Variants in TMEM132D observed in about 807,000 individuals in gnomAD.
The protein encoded by TMEM132D is transmembrane protein 132D, also known as mature OL transmembrane protein.
TMEM132D carries 21 observed loss-of-function variants against 62.3 expected under a neutral mutation model. That is an observed-to-expected ratio of 0.34 (90% CI 0.24 to 0.49). The LOEUF is 0.49. Among genes scored for constraint, TMEM132D ranks in the 20% least tolerant of loss-of-function variants. The pLI is 0.99. For missense variants in TMEM132D, 1,346 were observed against 1,402.8 expected, an observed-to-expected ratio of 0.96 and a Z score of 0.65; for synonymous variants, 621 against 575.6, an observed-to-expected ratio of 1.08 and a Z score of -1.13.
intron 2 of TMEM132D, among the ~76,000 whole-genome samples, chr12:129,579,002 A>G (rs1877766081): frequency 6.6e-6 from 1 of 152,200 alleles, no homozygotes; most frequent in Non-Finnish European, 1.5e-5. Context: ...ATCAAAAATT[A>G]ACCATCACAG....
rs113750793 is a variant in TMEM132D at position 129,112,443 on chromosome 12, T to C, written c.1444-27741A>G. The stretch of plus-strand genomic sequence containing the variant: ...TTGGGAGGCCAAGGCGGACGGATCA[T>C]CTGAGGTCGGGAGTTCGAGACCATC... On this transcript the variant is annotated intron_variant, in intron 5 of 8. Transcript: ENST00000422113. Among the ~76,000 whole-genome samples, 1,385 of 152,252 alleles carry C rather than the reference T, an allele frequency of 9.1e-3. 30 individuals are homozygous for C. The highest frequency in any genetic ancestry group is 0.032 in the African/African-American group (1,321 of 41,542).
chr12:129,624,023 T>C (rs79922521), intron 2 of TMEM132D, among the ~76,000 whole-genome samples: 2,160 of 152,274 alleles, frequency 0.014, 43 homozygotes, highest in African/African-American at 0.048. Context: ...GTCATGCCTA[T>C]AGGCCATTCC....
chr12:129,649,246 G>A (rs917409658), intron 2 of TMEM132D, among the ~76,000 whole-genome samples: 1 of 152,244 alleles, frequency 6.6e-6, no homozygotes, highest in East Asian at 1.9e-4. Flanking sequence ...CAACAGAGAC[G>A]AACAAGGTGT....
chr12:129,473,333 T>G (rs9668665), intron 3 of TMEM132D, among the ~76,000 whole-genome samples: 1 of 135,502 alleles, frequency 7.4e-6, no homozygotes, highest in East Asian at 2.1e-4. Context: ...TGTTTTTTTT[T>G]TTTTTTTTTT....
chr12:129,093,077 A>G (rs1291556012), intron 5 of TMEM132D, among the ~76,000 whole-genome samples: 1 of 152,244 alleles, frequency 6.6e-6, no homozygotes, highest in Admixed American at 6.5e-5. Context: ...TTCCAAATGG[A>G]TGCCATGCAG....
At position 129,074,312 on chromosome 12, in the gene TMEM132D, G is replaced by C. The variant is rs889851949; in HGVS notation, c.2863C>G (p.Gln955Glu). Residue 955 changes from glutamine (Q) to glutamate (E), a missense_variant, in exon 9 of 9, where the codon CAG becomes GAG. Physicochemically the swap from Gln to Glu is conservative, Grantham distance 29. Coordinates refer to ENST00000422113, the MANE Select transcript of TMEM132D (RefSeq NM_133448.3). ...TCATGAGAGTGACTCATCCCTTCCT[G>C]CTCCTCGAAGGGAACCTGTTTGTGT... ...YRHKQVPFEE[Q>E]EGMSHSHDWV... The C allele has an allele frequency of 1.2e-6, 2 of 1,614,060 alleles. No homozygotes were observed. The highest frequency in any genetic ancestry group is 1.7e-6 in the Non-Finnish European group (2 of 1,180,026).
At chr12:129,078,444 T>C in intron 8 of TMEM132D, 90 bp downstream of exon 8, 1 of 1,343,588 alleles carries the variant, frequency 7.4e-7, no homozygotes, top group Non-Finnish European at 1.0e-6. Flanking sequence ...CCCACTCTAT[T>C]GTGCGACCCG....
intron 1 of TMEM132D, among the ~76,000 whole-genome samples, chr12:129,715,666 C>T (rs1868544466): frequency 6.6e-6 from 1 of 152,210 alleles, no homozygotes. Context: ...TTCGACTTCT[C>T]CTTTGAATAT....
chr12:129,311,340 A>T (rs1303232761), intron 4 of TMEM132D, among the ~76,000 whole-genome samples: 1 of 152,186 alleles, frequency 6.6e-6, no homozygotes, highest in Non-Finnish European at 1.5e-5. Context: ...TTTAGCAAAG[A>T]ACTGAAAATT....
intron 3 of TMEM132D, among the ~76,000 whole-genome samples, chr12:129,440,567 T>G (rs2135720869): frequency 6.6e-6 from 1 of 152,302 alleles, no homozygotes; most frequent in African/African-American, 2.4e-5. Flanking sequence ...TATCCCATAA[T>G]AGCATGGGCA....
intron 2 of TMEM132D, among the ~76,000 whole-genome samples, chr12:129,581,879 C>A (rs1244253699): frequency 6.6e-6 from 1 of 152,190 alleles, no homozygotes; most frequent in Non-Finnish European, 1.5e-5. Context: ...ATTACCCTGC[C>A]ACAGGTACTC....
chr12:129,678,897 C>A (rs1880707953), intron 2 of TMEM132D, among the ~76,000 whole-genome samples: 1 of 151,956 alleles, frequency 6.6e-6, no homozygotes, highest in South Asian at 2.1e-4. Flanking sequence ...CACTGATCTG[C>A]AATAGTAGCT....
chr12:129,252,832 A>G (rs1208899275), intron 4 of TMEM132D, among the ~76,000 whole-genome samples: 1 of 152,098 alleles, frequency 6.6e-6, no homozygotes, highest in African/African-American at 2.4e-5. Flanking sequence ...AAAATGTGGC[A>G]CATATACGCC....
At chr12:129,235,433 T>G (rs1319057229) in intron 4 of TMEM132D, among the ~76,000 whole-genome samples, 1 of 151,972 alleles carries the variant, frequency 6.6e-6, no homozygotes, top group Non-Finnish European at 1.5e-5. Context: ...TTGCATTTTC[T>G]GGAAATTACA....
At chr12:129,326,000 G>C (rs1347768094) in intron 4 of TMEM132D, among the ~76,000 whole-genome samples, 1 of 152,166 alleles carries the variant, frequency 6.6e-6, no homozygotes, top group Non-Finnish European at 1.5e-5. Flanking sequence ...GGCCCCCCGG[G>C]ACTCTGAAAG....
intron 3 of TMEM132D, among the ~76,000 whole-genome samples, chr12:129,435,128 G>C (rs1484846133): frequency 6.6e-6 from 1 of 152,124 alleles, no homozygotes; most frequent in Non-Finnish European, 1.5e-5. Context: ...GTTTTTCCAT[G>C]TTGCAAAAGA....
chr12:129,244,698 T>C (rs1880045865), intron 4 of TMEM132D, among the ~76,000 whole-genome samples: 1 of 152,072 alleles, frequency 6.6e-6, no homozygotes, highest in Non-Finnish European at 1.5e-5. Flanking sequence ...TGGAGTTCAG[T>C]GGTGCAATCT....
chr12:129,270,782 T>A (rs140658278), intron 4 of TMEM132D, among the ~76,000 whole-genome samples: 24 of 152,252 alleles, frequency 1.6e-4, no homozygotes, highest in Non-Finnish European at 2.8e-4. Flanking sequence ...AACAAAAGGC[T>A]GTGGTGCTTT....
Position 129,228,812 on chromosome 12 carries a change from C to G in TMEM132D, c.1300-19149G>C, listed in dbSNP as rs575064280. ...GTTAATCAACTAGGGTTCCAAGGAC[C>G]GCATCCCGCCCATGGAAATGATTTG... On this transcript the variant is annotated intron_variant, in intron 4 of 8. Coordinates refer to ENST00000422113, the MANE Select transcript of TMEM132D (RefSeq NM_133448.3). 5.3e-5 allele frequency among the ~76,000 whole-genome samples: 8 copies of G among 152,280 alleles called. No homozygotes were observed. The South Asian group carries it at 8.3e-4, about 16-fold the overall frequency.
Sources: allele counts gnomAD v4.1 joint callset (sites outside exome capture counted in the v4.1 genomes callset), GRCh38; gene constraint gnomAD v4.1.1; transcripts MANE v1.5; gene names NCBI Gene and HGNC (gene_info 2026-07-23, HGNC 2026-07-21).